Variants in EXOC6B observed in about 807,000 individuals in gnomAD.
EXOC6B encodes exocyst complex component 6B, also known as SEC15 homolog B.
Under a neutral mutation model 113.5 loss-of-function variants are expected in EXOC6B, and 54 were observed. That is an observed-to-expected ratio of 0.48 (90% confidence interval 0.38 to 0.60). The LOEUF is 0.60. Ranked by LOEUF, EXOC6B falls within the 20% of genes least tolerant of loss-of-function variation. The pLI is 0.00. For missense variants in EXOC6B, 797 were observed against 977.5 expected, an observed-to-expected ratio of 0.82 and a Z score of 2.46; for synonymous variants, 357 against 339.0, an observed-to-expected ratio of 1.05 and a Z score of -0.58.
rs1371026146 is a variant in EXOC6B, at chr2:72,678,385, C to G, written c.669+39718G>C. Among the ~76,000 whole-genome samples the G allele has an allele frequency of 2.0e-5, 3 of 152,196 alleles. No individual in the cohort carries two copies. In the East Asian group the frequency reaches 5.8e-4, roughly 29 times the overall value. On this transcript the variant is annotated intron_variant, in intron 6 of 21. Transcript: ENST00000272427. ...GTGAAACAGTGCGGCTAGAGGTCCA[C>G]CAGGAAGGAGATATGTCTGCTTATT... is the stretch of plus-strand genomic sequence containing the variant.
intron 16 of EXOC6B, among the ~76,000 whole-genome samples, chr2:72,484,061 T>C (rs936421696): frequency 5.3e-5 from 8 of 152,032 alleles, no homozygotes; most frequent in African/African-American, 1.9e-4. Flanking sequence ...CATTAAGAAT[T>C]GGAAAATTTT....
chr2:72,420,922 C>T (rs992276242), intron 18 of EXOC6B, among the ~76,000 whole-genome samples: 4 of 152,118 alleles, frequency 2.6e-5, no homozygotes, highest in African/African-American at 9.7e-5. Flanking sequence ...TTTTAATGAC[C>T]ACCATTCTAA....
In EXOC6B at chr2:72,737,493, C is replaced by A. The variant is rs573605859; in HGVS notation, c.279+3811G>T. Among the ~76,000 whole-genome samples the A allele has an allele frequency of 3.9e-5, 6 of 152,256 alleles. No homozygotes were observed. The South Asian group carries it at 1.2e-3, about 32-fold the overall frequency. ...TCTATGAGAAATTCAAACAGGTTAT[C>A]ATTTTTAAAGTCTTGATTACATTTG... On this transcript the variant is annotated intron_variant, in intron 2 of 21. Transcript: ENST00000272427.
chr2:72,424,000 T>C (rs1695061766), intron 18 of EXOC6B, among the ~76,000 whole-genome samples: 1 of 152,232 alleles, frequency 6.6e-6, no homozygotes, highest in Non-Finnish European at 1.5e-5. Context: ...TTTGCTACAT[T>C]TTCTAAGATG....
chr2:72,545,904 A>C (rs1158253639), intron 8 of EXOC6B, among the ~76,000 whole-genome samples: 1 of 152,230 alleles, frequency 6.6e-6, no homozygotes, highest in Non-Finnish European at 1.5e-5. Context: ...TTAAGAAATT[A>C]TCTTAACACC....
intron 19 of EXOC6B, among the ~76,000 whole-genome samples, chr2:72,359,479 T>C (rs1690171610): frequency 6.6e-6 from 1 of 152,088 alleles, no homozygotes; most frequent in Non-Finnish European, 1.5e-5. Flanking sequence ...GATCTTAAAC[T>C]TCCAGCCTCC....
Position 72,370,278 on chromosome 2 carries a change from C to G in EXOC6B, c.2122+9451G>C, listed in dbSNP as rs530298690. On this transcript the variant is annotated intron_variant, in intron 19 of 21. Coordinates refer to ENST00000272427, the MANE Select transcript of EXOC6B (RefSeq NM_015189.3). Reference sequence around the variant, plus strand: ...ATGAAAAAATGCTCATCATCACTAGCCATCAGAGAAATACAAATCAAAACC... The same window carrying G: ...ATGAAAAAATGCTCATCATCACTAGGCATCAGAGAAATACAAATCAAAACC... Among the ~76,000 whole-genome samples, 3 of 152,204 alleles carry G rather than the reference C, an allele frequency of 2.0e-5. No homozygotes were observed. In the East Asian group the frequency reaches 5.8e-4, roughly 29 times the overall value.
intron 20 of EXOC6B, among the ~76,000 whole-genome samples, chr2:72,262,128 C>T (rs1432773430): frequency 3.3e-5 from 5 of 152,088 alleles, no homozygotes; most frequent in Admixed American, 6.6e-5. Flanking sequence ...ATATGGATAA[C>T]AGAGTTTTTG....
chr2:72,385,265 ATTC>A (rs938445654), intron 18 of EXOC6B, among the ~76,000 whole-genome samples: 1 of 152,110 alleles, frequency 6.6e-6, no homozygotes, highest in Non-Finnish European at 1.5e-5. Context: ...TGGGGAAAAG[ATTC>A]TTCAATAAAT....
chr2:72,653,966 A>ATT (rs1229189206), intron 6 of EXOC6B, among the ~76,000 whole-genome samples: 2 of 90,502 alleles, frequency 2.2e-5, no homozygotes, highest in African/African-American at 9.8e-5. Flanking sequence ...CATGAATTTT[A>ATT]TTTATTTTTT....
chr2:72,657,567 C>CTTTTTTTTTTTTTTTTTTTT lies in EXOC6B; in HGVS notation c.669+60516_669+60535dup, dbSNP rs70963136. Among the ~76,000 whole-genome samples, 12 of 50,378 alleles carry CTTTTTTTTTTTTTTTTTTTT rather than the reference C, an allele frequency of 2.4e-4. 1 individual carries two copies. Among genetic ancestry groups the CTTTTTTTTTTTTTTTTTTTT allele is most frequent in the African/African-American group, 6.7e-4 (7 of 10,460 alleles). The allele number at this position is 50,378 out of a possible 152,430, so 33.0% of individuals were successfully genotyped here. On this transcript the variant is annotated intron_variant, in intron 6 of 21. Coordinates refer to ENST00000272427, the MANE Select transcript of EXOC6B (RefSeq NM_015189.3). ...TATTAGGTCTTTCCTCTTTCCTTTTCTTTTTTTTTTTTTTTTTTTTTTTTT... is the reference window on the plus strand; with the variant it reads ...TATTAGGTCTTTCCTCTTTCCTTTTCTTTTTTTTTTTTTTTTTTTTTTTTTTTTTTTTTTTTTTTTTTTTT...
intron 1 of EXOC6B, among the ~76,000 whole-genome samples, chr2:72,745,015 T>G (rs1297509065): frequency 6.6e-6 from 1 of 152,190 alleles, no homozygotes; most frequent in African/African-American, 2.4e-5. Flanking sequence ...CTTTCTCATC[T>G]AGAAAATAGG....
chr2:72,190,607 T>G (rs1228020424), intron 20 of EXOC6B, among the ~76,000 whole-genome samples: 1 of 152,208 alleles, frequency 6.6e-6, no homozygotes, highest in African/African-American at 2.4e-5. Context: ...CAATCTAGTT[T>G]CTCGTTTATC....
intron 20 of EXOC6B, among the ~76,000 whole-genome samples, chr2:72,256,123 G>A (rs966196529): frequency 8.5e-5 from 13 of 152,154 alleles, no homozygotes; most frequent in South Asian, 4.1e-4. Context: ...TATAAAGACC[G>A]AGGGAGAGAT....
chr2:72,310,617 T>TA (rs930516573), intron 20 of EXOC6B, among the ~76,000 whole-genome samples: 29 of 151,848 alleles, frequency 1.9e-4, no homozygotes, highest in African/African-American at 5.8e-4. Context: ...GCCTTTGAAA[T>TA]AAAAAAGTTT....
At chr2:72,622,081 AAAAGTTTATAAGAATATATGTT>A (rs947397510) in intron 6 of EXOC6B, among the ~76,000 whole-genome samples, 17 of 152,070 alleles carry the variant, frequency 1.1e-4, no homozygotes, top group Middle Eastern at 6.8e-3. Context: ...TGGTATAGAA[AAAAGTTTATAAGAATATATGTT>A]AAATCATTAC....
chr2:72,750,020 G>A (rs1246356090), intron 1 of EXOC6B, among the ~76,000 whole-genome samples: 1 of 151,182 alleles, frequency 6.6e-6, no homozygotes, highest in Non-Finnish European at 1.5e-5. Context: ...ATATGTGGGT[G>A]ACACATATAT....
chr2:72,513,100 A>G (rs777220976), intron 11 of EXOC6B, 32 bp downstream of exon 11: 2 of 1,610,512 alleles, frequency 1.2e-6, no homozygotes, highest in South Asian at 2.2e-5. Context: ...AATCAGCTCT[A>G]AATAACAACT....
rs138662714 is a variant in EXOC6B, at chr2:72,556,184, G to A, written c.915+3269C>T. 6.0e-3 allele frequency among the ~76,000 whole-genome samples: 913 copies of A among 152,320 alleles called. 8 individuals are homozygous for A. The highest frequency in any genetic ancestry group is 0.02 in the African/African-American group (835 of 41,578). On this transcript the variant is annotated intron_variant, in intron 8 of 21. Coordinates refer to ENST00000272427, the MANE Select transcript of EXOC6B (RefSeq NM_015189.3). ...CATTTTTCTTGTTGACTTTCTGGAA[G>A]GCCAAAGAACAATGACACCTGCTTG...
Sources: allele counts gnomAD v4.1 joint callset (sites outside exome capture counted in the v4.1 genomes callset), GRCh38; gene constraint gnomAD v4.1.1; transcripts MANE v1.5; gene names NCBI Gene and HGNC (gene_info 2026-07-23, HGNC 2026-07-21).